DNAH10: variants seen among roughly 807,000 people sequenced by gnomAD.
DNAH10 encodes dynein axonemal heavy chain 10.
DNAH10 carries 348 observed loss-of-function variants against 506.6 expected under a neutral mutation model. The observed-to-expected ratio is 0.69, with a 90% CI of 0.63 to 0.75. The LOEUF is 0.75. Ranked by LOEUF, DNAH10 falls within the 30% of genes least tolerant of loss-of-function variation. The pLI, the probability that DNAH10 is intolerant of heterozygous loss-of-function variation, is 0.00. For missense variants in DNAH10, 5,179 were observed against 5,787.1 expected (o/e 0.89, Z 3.41); for synonymous variants, 2,059 against 2,198.6 (o/e 0.94, Z 1.78).
intron 6 of DNAH10, 116 bp from the exon 7 acceptor site, chr12:123,782,991 C>A: frequency 1.2e-6 from 1 of 839,332 alleles, no homozygotes; most frequent in Non-Finnish European, 1.9e-6. Context: ...GGGGATGCGT[C>A]AGACCTTATT....
Position 123,916,577 on chromosome 12 carries a change from G to T in DNAH10, c.10843G>T (p.Glu3615Ter). ...CGATCCTGTGATTGACAACGTCTTA[G>T]AAAAAAATATAAAAGTCTCCCAAGG... ...YIDPVIDNVL[E>*]KNIKVSQGRQ... Residue 3615 changes from glutamate (E) to a stop codon, truncating the protein, a stop_gained, in exon 63 of 79, where the codon GAA (glutamate) becomes TAA (stop). Coordinates refer to ENST00000673944, the MANE Select transcript of DNAH10 (RefSeq NM_001372106.1). LOFTEE classifies it high-confidence loss of function. The surrounding 1 kb of genome is among the most constrained non-coding windows in gnomAD (Gnocchi z 4.6). 1 of 1,613,790 alleles carries T rather than the reference G, an allele frequency of 6.2e-7. No individual in the cohort carries two copies. Among genetic ancestry groups the T allele is most frequent in the East Asian group, 2.2e-5 (1 of 44,888 alleles).
chr12:123,929,554 G>C, intron 71 of DNAH10, 70 bp downstream of exon 71: 1 of 1,577,204 alleles, frequency 6.3e-7, no homozygotes. Context: ...TTTCCTCCGG[G>C]TTCAACCACA....
intron 18 of DNAH10, among the ~76,000 whole-genome samples, chr12:123,806,237 A>G (rs909339193): frequency 6.6e-6 from 1 of 152,168 alleles, no homozygotes; most frequent in Non-Finnish European, 1.5e-5. Flanking sequence ...GCAAGTGTGT[A>G]GGTATCTATG....
In DNAH10 at chr12:123,762,330, C is replaced by G. The variant is rs538416949; in HGVS notation, c.-7C>G. The stretch of plus-strand genomic sequence containing the variant: ...TGCGCCCGGCTCCCTCTGCACTGCG[C>G]GGCGCCATGGACGACCTGCGGGTGC... On this transcript the variant is annotated 5_prime_UTR_variant, in exon 1 of 79. Coordinates refer to ENST00000673944, the MANE Select transcript of DNAH10 (RefSeq NM_001372106.1). This position sits in a 1 kb window ranked among gnomAD's most constrained non-coding sequence, Gnocchi z 5.0. 2.2e-6 allele frequency: 3 copies of G among 1,336,132 alleles called. No individual in the cohort carries two copies. In the Admixed American group the frequency reaches 1.1e-4, roughly 50 times the overall value. The allele number at this position is 1,336,132 out of a possible 1,614,324, so 82.8% of individuals were successfully genotyped here. A position where few individuals can be genotyped will look rare whatever the true frequency, so the allele number is the denominator to read the frequency against.
Position 123,917,137 on chromosome 12 carries a change from A to C in DNAH10, c.11002+401A>C, listed in dbSNP as rs1442238438. On this transcript the variant is annotated intron_variant, in intron 63 of 78. Coordinates refer to ENST00000673944, the MANE Select transcript of DNAH10 (RefSeq NM_001372106.1). This position sits in a 1 kb window ranked among gnomAD's most constrained non-coding sequence, Gnocchi z 5.6. ...CTCTAGGGCTGTCATGCTCCTGCTTAAATAGGCTAATTTGATTTGGATGTA... is the reference window on the plus strand; with the variant it reads ...CTCTAGGGCTGTCATGCTCCTGCTTCAATAGGCTAATTTGATTTGGATGTA... 6.6e-6 allele frequency among the ~76,000 whole-genome samples: 1 copy of C among 151,894 alleles called. No individual in the cohort carries two copies. The highest frequency in any genetic ancestry group is 1.5e-5 in the Non-Finnish European group (1 of 68,000).
In DNAH10 at chr12:123,781,363, G is replaced by A. The variant is rs1018314951; in HGVS notation, c.841+64G>A. ...TAATTTACTGTAGTTGGGATTACAGGTGCATGCCACCATGCCTGGCTAACT... is the reference window on the plus strand; with the variant it reads ...TAATTTACTGTAGTTGGGATTACAGATGCATGCCACCATGCCTGGCTAACT... On this transcript the variant is annotated intron_variant, in intron 6 of 78. Transcript: ENST00000673944. 9 of 1,434,430 alleles carry A rather than the reference G, an allele frequency of 6.3e-6. No individual in the cohort carries two copies. In the African/African-American group the frequency reaches 9.9e-5, roughly 16 times the overall value. 88.9% of individuals were successfully genotyped at this position (1,434,430 alleles called of 1,614,324 possible).
intron 41 of DNAH10, among the ~76,000 whole-genome samples, 176 bp downstream of exon 41, chr12:123,866,249 T>TTTTTTTTTTTG (rs1951803252): frequency 7.9e-6 from 1 of 126,844 alleles, no homozygotes; most frequent in Non-Finnish European, 1.7e-5. Context: ...TTTTTTTTTT[T>TTTTTTTTTTTG]TTTTTTTTTT....
intron 21 of DNAH10, among the ~76,000 whole-genome samples, chr12:123,816,907 G>A (rs1594100972): frequency 6.6e-6 from 1 of 152,166 alleles, no homozygotes; most frequent in South Asian, 2.1e-4. Context: ...ATACCAGCAC[G>A]AATAAGGGTT....
chr12:123,771,776 A>G, intron 3 of DNAH10, 78 bp downstream of exon 3: 12 of 1,178,512 alleles, frequency 1.0e-5, no homozygotes, highest in Non-Finnish European at 1.2e-5. Flanking sequence ...TAACTGACAT[A>G]GCCCCATCCA....
chr12:123,831,020 G>T (rs1283961519), intron 26 of DNAH10, among the ~76,000 whole-genome samples: 1 of 152,160 alleles, frequency 6.6e-6, no homozygotes, highest in Non-Finnish European at 1.5e-5. Context: ...AGAATTATTT[G>T]TTGTAGAAAT....
At position 123,867,384 on chromosome 12, in the gene DNAH10, T is replaced by A. The variant is rs558891341; in HGVS notation, c.7168-83T>A. ...TTCATCAGAAGATGTTGCTCAACCC[T>A]CTTTGGGCAAGAAAAGCTTTCCACT... On this transcript the variant is annotated intron_variant, in intron 41 of 78. Transcript: ENST00000673944. The A allele has an allele frequency of 3.1e-4, 463 of 1,472,508 alleles. 1 individual carries two copies. The highest frequency in any genetic ancestry group is 4.0e-4 in the Non-Finnish European group (439 of 1,094,378). 91.2% of individuals were successfully genotyped at this position (1,472,508 alleles called of 1,614,324 possible). A position where few individuals can be genotyped will look rare whatever the true frequency, so the allele number is the denominator to read the frequency against.
In DNAH10 at chr12:123,826,845, C is replaced by T; in HGVS notation, c.4338C>T (p.Phe1446=). Reference sequence around the variant, plus strand: ...ACTTGGAAGCAAAAATGAAGGCATTCAAAGACTCGATTCCTTTACTTCTTG... The same window carrying T: ...ACTTGGAAGCAAAAATGAAGGCATTTAAAGACTCGATTCCTTTACTTCTTG... ...TYYLEAKMKA[F]KDSIPLLLDL... Residue 1446 remains phenylalanine, a synonymous_variant, in exon 25 of 79, where the codon TTC becomes TTT. Transcript: ENST00000673944. 6.2e-7 allele frequency: 1 copy of T among 1,614,000 alleles called. No homozygotes were observed. The highest frequency in any genetic ancestry group is 1.1e-5 in the South Asian group (1 of 91,070).
chr12:123,769,900 T>A (rs1188420462), intron 2 of DNAH10, among the ~76,000 whole-genome samples: 1 of 147,394 alleles, frequency 6.8e-6, no homozygotes, highest in Non-Finnish European at 1.5e-5. Flanking sequence ...ACTACAGATG[T>A]GTGCCACCAT....
chr12:123,853,598 A>G lies in DNAH10; in HGVS notation c.6438+246A>G, dbSNP rs1332634502. The stretch of plus-strand genomic sequence containing the variant: ...CAATAGCAACATTTATGATGCTTCC[A>G]TAGTAATAATCTGTAGTCTCAGGAT... On this transcript the variant is annotated intron_variant, in intron 36 of 78. Coordinates refer to ENST00000673944, the MANE Select transcript of DNAH10 (RefSeq NM_001372106.1). The surrounding 1 kb of genome is among the most constrained non-coding windows in gnomAD (Gnocchi z 4.7). Among the ~76,000 whole-genome samples, 1 of 152,170 alleles carries G rather than the reference A, an allele frequency of 6.6e-6. No homozygotes were observed.
rs983649353 is a variant in DNAH10 at position 123,916,170 on chromosome 12, A to T, written c.10723-287A>T. ...AAATTGTCAGCCTACCCCTAGTCCA[A>T]TTCCAACATCTACCCTCTCTCTTAA... On this transcript the variant is annotated intron_variant, in intron 62 of 78. Transcript: ENST00000673944. The surrounding 1 kb of genome is among the most constrained non-coding windows in gnomAD (Gnocchi z 4.6). Among the ~76,000 whole-genome samples, 3 of 152,116 alleles carry T rather than the reference A, an allele frequency of 2.0e-5. No homozygotes were observed. The East Asian group carries it at 5.8e-4, about 29-fold the overall frequency.
chr12:123,799,059 C>T (rs1207360277), intron 13 of DNAH10, among the ~76,000 whole-genome samples, 187 bp from the exon 14 acceptor site: 3 of 145,350 alleles, frequency 2.1e-5, no homozygotes, highest in Admixed American at 6.9e-5. Context: ...GAGCTGAGAT[C>T]GCGCTACTAC....
At chr12:123,815,359 T>C (rs1959108781) in intron 21 of DNAH10, among the ~76,000 whole-genome samples, 1 of 152,216 alleles carries the variant, frequency 6.6e-6, no homozygotes, top group Non-Finnish European at 1.5e-5. Flanking sequence ...AGAAAGACAA[T>C]TGATATTTGC....
intron 5 of DNAH10, among the ~76,000 whole-genome samples, chr12:123,779,772 G>C (rs1022320): frequency 0.71 from 107,920 of 152,068 alleles, 38,718 homozygotes; most frequent in East Asian, 1. Flanking sequence ...GGATTGGGCA[G>C]CTCTACAAAT....
At chr12:123,825,921 G>T (rs954702075) in intron 24 of DNAH10, among the ~76,000 whole-genome samples, 2 of 152,034 alleles carry the variant, frequency 1.3e-5, no homozygotes, top group African/African-American at 4.8e-5. Flanking sequence ...AGGAGTTTGA[G>T]GCCAGCCTAG....
Sources: gnomAD v4.1 joint callset for allele counts (sites outside exome capture counted in the v4.1 genomes callset) on GRCh38, gnomAD v4.1.1 for gene constraint, Gnocchi (gnomAD v3.1) non-coding constraint, MANE v1.5 for transcripts, NCBI Gene and HGNC (gene_info 2026-07-23, HGNC 2026-07-21) for gene names.